TTLL9: variants seen among roughly 807,000 people sequenced by gnomAD.
The protein encoded by TTLL9 is probable tubulin polyglutamylase TTLL9.
In TTLL9, 47 loss-of-function variants were observed where a neutral mutation model predicts 65.6. The ratio of observed to expected loss-of-function variants is 0.72; its 90% confidence interval spans 0.57 to 0.91. The LOEUF (loss-of-function observed/expected upper bound fraction) is 0.91. Among genes scored for constraint, TTLL9 ranks in the 40% least tolerant of loss-of-function variants. TTLL9 has a pLI of 0.00. For synonymous variants in TTLL9, 179 were observed against 204.8 expected (o/e 0.87, Z 1.07); for missense variants, 537 against 568.8 (o/e 0.94, Z 0.57).
At chr20:31,891,939 A>G (rs1600540174) in intron 3 of TTLL9, among the ~76,000 whole-genome samples, 1 of 151,892 alleles carries the variant, frequency 6.6e-6, no homozygotes, top group Non-Finnish European at 1.5e-5. Context: ...AGTAGCTGGG[A>G]TTACAGGCAT....
Position 31,944,520 on chromosome 20 carries a change from GCTTAT to G in TTLL9, c.*1500_*1504del, listed in dbSNP as rs1271221160. The G allele has an allele frequency of 6.6e-6, 1 of 152,304 alleles. No individual in the cohort carries two copies. Among genetic ancestry groups the G allele is most frequent in the Non-Finnish European group, 1.5e-5 (1 of 68,148 alleles). The allele number at this position is 152,304 out of a possible 1,614,324, so 9.4% of individuals were successfully genotyped here. ...CACTGTGCTTGCACAAAAATTATTA[GCTTAT>G]AAGACACCAGCCTTCCCCTTGCTTT... On this transcript the variant is annotated 3_prime_UTR_variant, in exon 15 of 15. Coordinates refer to ENST00000535842, the MANE Select transcript of TTLL9 (RefSeq NM_001008409.5).
intron 8 of TTLL9, 51 bp from the exon 9 acceptor site, chr20:31,924,958 G>A: frequency 2.5e-6 from 4 of 1,606,232 alleles, no homozygotes; most frequent in Non-Finnish European, 3.4e-6. Context: ...CTAGCACAAT[G>A]TCTGACGATC....
chr20:31,898,559 T>A lies in TTLL9; in HGVS notation c.200T>A (p.Val67Glu). 1 of 1,614,088 alleles carries A rather than the reference T, an allele frequency of 6.2e-7. No individual in the cohort carries two copies. Among genetic ancestry groups the A allele is most frequent in the Middle Eastern group, 1.6e-4 (1 of 6,062 alleles). ...VLRHRPGWVE[V>E]KDEGEWDFYW... ...CGCCACAGGCCAGGATGGGTGGAAG[T>A]GAAGGAGTAAGACCCTCCCCCCAGC... The change falls in exon 4 of 15, where the codon GTG (valine) becomes GAG (glutamate). Residue 67 changes from valine (V) to glutamate (E), a missense_variant. Transcript: ENST00000535842.
chr20:31,941,226 GA>G (rs138767749), intron 14 of TTLL9: 59,263 of 108,846 alleles, frequency 0.54, 14,867 homozygotes, highest in African/African-American at 0.77. Flanking sequence ...CACAGAAAAA[GA>G]AAAAAAAAAA....
intron 2 of TTLL9, among the ~76,000 whole-genome samples, chr20:31,884,720 A>T (rs114220887): frequency 0.013 from 1,925 of 152,312 alleles, 49 homozygotes; most frequent in African/African-American, 0.045. Flanking sequence ...TGACACTCTG[A>T]CATTGACTCT....
rs117449311 is a variant in TTLL9 at position 31,910,073 on chromosome 20, G to A, written c.504+151G>A. On this transcript the variant is annotated intron_variant, in intron 6 of 14. Coordinates refer to ENST00000535842, the MANE Select transcript of TTLL9 (RefSeq NM_001008409.5). Reference sequence around the variant, plus strand: ...TTAGCTCCTCTTCTCTGCAGTGTGTGGACCCAGCAGCTATGACTGCCAGCA... The same window carrying A: ...TTAGCTCCTCTTCTCTGCAGTGTGTAGACCCAGCAGCTATGACTGCCAGCA... 2.6e-3 allele frequency: 1,812 copies of A among 708,990 alleles called. 4 individuals carry two copies. Among genetic ancestry groups the A allele is most frequent in the Non-Finnish European group, 3.7e-3 (1,594 of 428,678 alleles). 43.9% of individuals were successfully genotyped at this position (708,990 alleles called of 1,614,324 possible).
intron 12 of TTLL9, 54 bp from the exon 13 acceptor site, chr20:31,937,342 A>C: frequency 2.2e-6 from 3 of 1,347,614 alleles, no homozygotes; most frequent in Non-Finnish European, 3.2e-6. Context: ...GTGAAATCCT[A>C]GGGGCTCCAG....
chr20:31,883,741 C>T (rs576376107), intron 2 of TTLL9, among the ~76,000 whole-genome samples: 2 of 151,412 alleles, frequency 1.3e-5, no homozygotes, highest in Admixed American at 1.3e-4. Context: ...AAAAAAAAAG[C>T]CTGTTCATGA....
chr20:31,908,450 C>T (rs954460522), intron 4 of TTLL9, 141 bp from the exon 5 acceptor site: 1 of 621,414 alleles, frequency 1.6e-6, no homozygotes, highest in Middle Eastern at 4.3e-4. Context: ...CCAGTGGCAC[C>T]CATGGCCACC....
At chr20:31,902,614 C>T (rs1363263152) in intron 4 of TTLL9, among the ~76,000 whole-genome samples, 1 of 152,066 alleles carries the variant, frequency 6.6e-6, no homozygotes, top group African/African-American at 2.4e-5. Flanking sequence ...GTTATTTCCA[C>T]CTTTGGGCTG....
At position 31,891,683 on chromosome 20, in the gene TTLL9, A is replaced by G. The variant is rs531544324; in HGVS notation, c.113+4444A>G. 2.6e-3 allele frequency among the ~76,000 whole-genome samples: 399 copies of G among 152,050 alleles called. 4 individuals carry two copies. The highest frequency in any genetic ancestry group is 9.4e-3 in the African/African-American group (388 of 41,472). On this transcript the variant is annotated intron_variant, in intron 3 of 14. Coordinates refer to ENST00000535842, the MANE Select transcript of TTLL9 (RefSeq NM_001008409.5). ...GTTACTTTAGAGCAGTGGTTCTAAA[A>G]GTTTAAGCTCAGGGTGGGTCCCTTT...
At chr20:31,921,380 G>A (rs1218591515) in intron 7 of TTLL9, among the ~76,000 whole-genome samples, 1 of 152,246 alleles carries the variant, frequency 6.6e-6, no homozygotes, top group Admixed American at 6.5e-5. Context: ...TGGTGGGACT[G>A]TAAACTAGTT....
chr20:31,887,268 A>G, intron 3 of TTLL9, 29 bp downstream of exon 3: 1 of 1,613,516 alleles, frequency 6.2e-7, no homozygotes, highest in African/African-American at 1.3e-5. Context: ...TCCAACAATC[A>G]CAGCGCAACC....
intron 6 of TTLL9, among the ~76,000 whole-genome samples, chr20:31,912,595 G>C (rs2063672033): frequency 7.9e-6 from 1 of 126,020 alleles, no homozygotes; most frequent in African/African-American, 3.5e-5. Flanking sequence ...GTGTGTGCGT[G>C]TATGTGTATG....
At chr20:31,916,994 G>A (rs553548920) in intron 6 of TTLL9, among the ~76,000 whole-genome samples, 1 of 152,308 alleles carries the variant, frequency 6.6e-6, no homozygotes, top group South Asian at 2.1e-4. Context: ...AGGAAGAAGA[G>A]GAAGGAAAGT....
intron 3 of TTLL9, among the ~76,000 whole-genome samples, chr20:31,888,541 G>A (rs182509088): frequency 3.3e-4 from 50 of 151,558 alleles, no homozygotes; most frequent in African/African-American, 1.1e-3. Flanking sequence ...GCCTGATCTC[G>A]GCTCACTGCA....
chr20:31,903,608 C>G (rs2063508833), intron 4 of TTLL9, among the ~76,000 whole-genome samples: 1 of 152,084 alleles, frequency 6.6e-6, no homozygotes, highest in South Asian at 2.1e-4. Flanking sequence ...CTAGTTTTAG[C>G]TCTTACATCT....
At chr20:31,898,179 C>A (rs1388268223) in intron 3 of TTLL9, among the ~76,000 whole-genome samples, 2 of 152,148 alleles carry the variant, frequency 1.3e-5, no homozygotes, top group African/African-American at 4.8e-5. Context: ...GAGGGCTTTG[C>A]AAATACTTAT....
chr20:31,871,193 C>T lies in TTLL9; in HGVS notation c.67C>T (p.Gln23Ter). 6.2e-7 allele frequency: 1 copy of T among 1,614,038 alleles called. No individual in the cohort carries two copies. The highest frequency in any genetic ancestry group is 8.5e-7 in the Non-Finnish European group (1 of 1,179,952). Residue 23 changes from glutamine (Q) to a stop codon, truncating the protein, a stop_gained and splice_region_variant, in exon 2 of 15, where the codon CAG becomes TAG. Transcript: ENST00000535842. LOFTEE classifies it high-confidence loss of function. ...TGCCATTAGGTGCCCCAAGAAATTACAGGTGAATGTTGGGAGAGGGGTTTG... is the reference window on the plus strand; with the variant it reads ...TGCCATTAGGTGCCCCAAGAAATTATAGGTGAATGTTGGGAGAGGGGTTTG... ...TTAIRCPKKL[Q>*]NQNYKGHGLS... is the part of the protein sequence containing the mutation.
Sources: gnomAD v4.1 joint callset for allele counts (sites outside exome capture counted in the v4.1 genomes callset) on GRCh38, gnomAD v4.1.1 for gene constraint, MANE v1.5 for transcripts, NCBI Gene and HGNC (gene_info 2026-07-23, HGNC 2026-07-21) for gene names.